Variants in LRRC37A2 observed in about 807,000 individuals in gnomAD.
The protein encoded by LRRC37A2 is leucine rich repeat containing 37 member A2.
LRRC37A2 carries 9 observed loss-of-function variants against 68.8 expected under a neutral mutation model. The observed-to-expected ratio is 0.13, with a 90% CI of 0.08 to 0.23. The LOEUF is 0.23. LRRC37A2 is among the 10% of genes least tolerant of loss of function. LRRC37A2 has a pLI of 1.00. For synonymous variants in LRRC37A2, 63 were observed against 367.6 expected (o/e 0.17, Z 9.48); for missense variants, 168 against 950.4 (o/e 0.18, Z 10.82).
the LRRC37A2 span, among the ~76,000 whole-genome samples, chr17:46,926,062 G>A: frequency 6.6e-6 from 1 of 152,128 alleles, no homozygotes; most frequent in Non-Finnish European, 1.5e-5. Flanking sequence ...CATTTAACAA[G>A]CTCCCTAGGT....
At chr17:46,940,093 C>T in the LRRC37A2 span, 2 of 1,140,908 alleles carry the variant, frequency 1.8e-6, no homozygotes, top group Non-Finnish European at 2.2e-6. Flanking sequence ...GTCTTATTTC[C>T]CTTCCTTTCT....
the LRRC37A2 span, among the ~76,000 whole-genome samples, chr17:46,812,938 A>G: frequency 6.6e-6 from 1 of 152,196 alleles, no homozygotes; most frequent in Admixed American, 6.5e-5. Context: ...CACTCATTTT[A>G]CAGATGAGGA....
the LRRC37A2 span, among the ~76,000 whole-genome samples, chr17:46,887,596 C>A: frequency 3.3e-5 from 5 of 152,074 alleles, no homozygotes; most frequent in African/African-American, 1.2e-4. Context: ...GAAACCCCAT[C>A]TCTACTAAAT....
the LRRC37A2 span, among the ~76,000 whole-genome samples, chr17:46,746,119 GTCTT>G: frequency 6.6e-6 from 1 of 152,150 alleles, no homozygotes. Context: ...TTTTGCATCT[GTCTT>G]TCTGTGGAAG....
the LRRC37A2 span, among the ~76,000 whole-genome samples, chr17:46,836,460 C>T: frequency 6.6e-6 from 1 of 152,018 alleles, no homozygotes; most frequent in Non-Finnish European, 1.5e-5. Context: ...CAAGTAAGCA[C>T]TTTGAATATC....
the LRRC37A2 span, among the ~76,000 whole-genome samples, chr17:46,933,915 C>G: frequency 6.7e-6 from 1 of 149,840 alleles, no homozygotes; most frequent in Non-Finnish European, 1.5e-5. Flanking sequence ...GCTCTCTATC[C>G]TGGGTGACAG....
At chr17:46,849,614 A>G in the LRRC37A2 span, among the ~76,000 whole-genome samples, 33 of 152,220 alleles carry the variant, frequency 2.2e-4, no homozygotes, top group African/African-American at 7.7e-4. Flanking sequence ...GCTGGCCTGC[A>G]GGGCTAGCTG....
At chr17:46,999,686 T>G in the LRRC37A2 span, among the ~76,000 whole-genome samples, 1 of 151,996 alleles carries the variant, frequency 6.6e-6, no homozygotes, top group African/African-American at 2.4e-5. Context: ...ATTTAGTTTC[T>G]TAACCACTCT....
chr17:46,737,387 C>T, the LRRC37A2 span, among the ~76,000 whole-genome samples: 1 of 152,156 alleles, frequency 6.6e-6, no homozygotes, highest in South Asian at 2.1e-4. Flanking sequence ...TTTTTAGCAT[C>T]AGCATATCCC....
the LRRC37A2 span, among the ~76,000 whole-genome samples, chr17:46,407,894 C>CT: frequency 1.1e-4 from 7 of 64,550 alleles, no homozygotes; most frequent in African/African-American, 3.9e-4. Flanking sequence ...GAGTAAGAGG[C>CT]TGTACTATAT....
At chr17:46,379,846 T>TTTG in the LRRC37A2 span, among the ~76,000 whole-genome samples, 12 of 68,764 alleles carry the variant, frequency 1.7e-4, no homozygotes, top group East Asian at 1.0e-3. Flanking sequence ...ATCAAATGTT[T>TTTG]TTGTTGTTGT....
chr17:46,968,096 A>C, the LRRC37A2 span, among the ~76,000 whole-genome samples: 10 of 152,108 alleles, frequency 6.6e-5, no homozygotes, highest in African/African-American at 2.4e-4. Context: ...GGCATGGCCC[A>C]GTGCAGACCC....
the LRRC37A2 span, chr17:46,726,481 TA>T: frequency 7.0e-7 from 1 of 1,435,252 alleles, no homozygotes; most frequent in East Asian, 2.3e-5. Flanking sequence ...AAGAAGTAAC[TA>T]AACTTCTTGG....
chr17:46,916,771 A>G, the LRRC37A2 span: 1 of 152,228 alleles, frequency 6.6e-6, no homozygotes, highest in African/African-American at 2.4e-5. Context: ...GTTTAAAGAA[A>G]AGACGTTTAT....
At chr17:46,944,636 G>A in the LRRC37A2 span, among the ~76,000 whole-genome samples, 2 of 147,304 alleles carry the variant, frequency 1.4e-5, no homozygotes, top group African/African-American at 5.0e-5. Context: ...CTCTCATTCT[G>A]TTGCCCAGGC....
At chr17:46,877,879 C>T in the LRRC37A2 span, among the ~76,000 whole-genome samples, 1 of 152,218 alleles carries the variant, frequency 6.6e-6, no homozygotes, top group East Asian at 1.9e-4. Flanking sequence ...GGGTAGCCTC[C>T]TTCAGTTCCT....
At chr17:46,870,904 C>CTTTTTTTTTTTTTTTTTTTTTTTTTTTT in the LRRC37A2 span, among the ~76,000 whole-genome samples, 2 of 78,396 alleles carry the variant, frequency 2.6e-5, no homozygotes, top group African/African-American at 1.0e-4. Context: ...TCCACCTTTG[C>CTTTTTTTTTTTTTTTTTTTTTTTTTTTT]TTTTTTTTTT....
At chr17:46,727,265 C>G in the LRRC37A2 span, among the ~76,000 whole-genome samples, 1 of 152,152 alleles carries the variant, frequency 6.6e-6, no homozygotes. Flanking sequence ...TTGGTCCTGG[C>G]ACTTAACTCA....
the LRRC37A2 span, among the ~76,000 whole-genome samples, chr17:46,820,404 T>A: frequency 6.7e-6 from 1 of 148,484 alleles, no homozygotes; most frequent in African/African-American, 2.5e-5. Flanking sequence ...GGCTCAGAGA[T>A]GAGAGAGACG....
Sources: gnomAD v4.1 joint callset for allele counts (sites outside exome capture counted in the v4.1 genomes callset) on GRCh38, gnomAD v4.1.1 for gene constraint, MANE v1.5 for transcripts, NCBI Gene and HGNC (gene_info 2026-07-23, HGNC 2026-07-21) for gene names.